CHKA: variants seen among roughly 807,000 people sequenced by gnomAD.
CHKA encodes CHETK-alpha.
In CHKA, 34 loss-of-function variants were observed where a neutral mutation model predicts 60.1. The observed-to-expected ratio is 0.57, with a 90% CI of 0.43 to 0.75. The LOEUF (loss-of-function observed/expected upper bound fraction) is 0.75, where lower values mean the gene tolerates loss of function less well. Ranked by LOEUF, CHKA falls within the 30% of genes least tolerant of loss-of-function variation. The probability of loss-of-function intolerance (pLI) is 0.00; values close to 1 mark genes in which losing one functional copy is unlikely to be tolerated. For missense variants in CHKA, 563 were observed against 561.3 expected, an observed-to-expected ratio of 1.00 and a Z score of -0.03; for synonymous variants, 217 against 223.1, an observed-to-expected ratio of 0.97 and a Z score of 0.24.
intron 1 of CHKA, among the ~76,000 whole-genome samples, chr11:68,103,821 C>T (rs182255316): frequency 3.3e-4 from 50 of 151,408 alleles, no homozygotes; most frequent in Non-Finnish European, 5.3e-4. Context: ...GGAGGAAGCA[C>T]GAGAATCACT....
intron 1 of CHKA, among the ~76,000 whole-genome samples, chr11:68,097,861 T>C (rs1590870504): frequency 6.6e-6 from 1 of 152,222 alleles, no homozygotes; most frequent in East Asian, 1.9e-4. Context: ...ACCAAGTAAG[T>C]AGCTAAGCAA....
chr11:68,075,827 C>T (rs1856768526), intron 3 of CHKA, among the ~76,000 whole-genome samples: 5 of 152,132 alleles, frequency 3.3e-5, no homozygotes, highest in Admixed American at 3.3e-4. Flanking sequence ...CTAGGTCTTA[C>T]TCCAAGTATT....
intron 10 of CHKA, among the ~76,000 whole-genome samples, chr11:68,062,343 G>A (rs1307983320): frequency 6.6e-6 from 1 of 152,246 alleles, no homozygotes; most frequent in South Asian, 2.1e-4. Context: ...CACATTCACA[G>A]GGTGCAGGTG....
At chr11:68,056,035 C>G (rs184911829) in intron 11 of CHKA, among the ~76,000 whole-genome samples, 185 of 152,170 alleles carry the variant, frequency 1.2e-3, no homozygotes, top group Admixed American at 1.8e-3. Context: ...GCAACAAGAG[C>G]GAAACTCCAT....
intron 3 of CHKA, among the ~76,000 whole-genome samples, chr11:68,080,433 C>T (rs1025199972): frequency 2.0e-5 from 3 of 152,000 alleles, no homozygotes; most frequent in Non-Finnish European, 4.4e-5. Context: ...CTGCAACCTC[C>T]GCCTCCCAGG....
chr11:68,063,936 C>G (rs183669864), intron 10 of CHKA, among the ~76,000 whole-genome samples: 16 of 152,350 alleles, frequency 1.1e-4, no homozygotes, highest in African/African-American at 3.4e-4. Context: ...TCAATTAAAA[C>G]TCCTTTCTTT....
intron 2 of CHKA, among the ~76,000 whole-genome samples, chr11:68,092,993 C>T (rs917420291): frequency 4.2e-5 from 6 of 143,740 alleles, no homozygotes; most frequent in Non-Finnish European, 6.0e-5. Flanking sequence ...AATTTCCCAT[C>T]CAGTTTTTTT....
chr11:68,116,693 G>A (rs1015964891), intron 1 of CHKA, among the ~76,000 whole-genome samples: 2 of 151,646 alleles, frequency 1.3e-5, no homozygotes, highest in Non-Finnish European at 2.9e-5. Context: ...CTCCCGCCTG[G>A]GCAACAGAGC....
At chr11:68,092,831 T>C (rs972974930) in intron 2 of CHKA, among the ~76,000 whole-genome samples, 2 of 152,178 alleles carry the variant, frequency 1.3e-5, no homozygotes, top group Non-Finnish European at 2.9e-5. Context: ...GTGTTTGAAC[T>C]AAGGACTCGA....
chr11:68,069,318 ATTTG>A (rs1436096468), intron 6 of CHKA, among the ~76,000 whole-genome samples: 1 of 152,006 alleles, frequency 6.6e-6, no homozygotes, highest in Admixed American at 6.6e-5. Context: ...ACATTATTTT[ATTTG>A]TTTACTTGTT....
intron 9 of CHKA, among the ~76,000 whole-genome samples, chr11:68,065,010 T>G (rs1308939488): frequency 2.0e-5 from 3 of 152,116 alleles, no homozygotes; most frequent in South Asian, 4.1e-4. Context: ...GAGAAAGATC[T>G]CAGGAGGAAA....
At chr11:68,114,591 G>C (rs1858311425) in intron 1 of CHKA, among the ~76,000 whole-genome samples, 1 of 152,020 alleles carries the variant, frequency 6.6e-6, no homozygotes, top group Admixed American at 6.6e-5. Flanking sequence ...CAGCTACTTG[G>C]GAGGCTGAGG....
Position 68,061,989 on chromosome 11 carries a change from T to C in CHKA, c.1278A>G (p.Val426=), listed in dbSNP as rs751786298. The C allele has an allele frequency of 3.1e-6, 5 of 1,598,954 alleles. No homozygotes were observed. The highest frequency in any genetic ancestry group is 2.3e-5 in the South Asian group (2 of 88,278). ...ATTCAATAGATGAAATCTTGGCTTG[T>C]ACAATGGACCACAGTCCCCAGAGGA... The part of the protein sequence containing the change: ...SHFLWGLWSI[V]QAKISSIEFG... The change falls in exon 11 of 12, where the codon GTA becomes GTG. Residue 426 remains valine (V), a synonymous_variant. Coordinates refer to ENST00000265689, the MANE Select transcript of CHKA (RefSeq NM_001277.3).
chr11:68,088,861 C>T (rs994096198), intron 2 of CHKA, among the ~76,000 whole-genome samples: 1 of 152,092 alleles, frequency 6.6e-6, no homozygotes, highest in African/African-American at 2.4e-5. Flanking sequence ...TTAGCACTTT[C>T]TGAAAACATT....
intron 1 of CHKA, among the ~76,000 whole-genome samples, chr11:68,102,221 A>G (rs1029338127): frequency 3.9e-5 from 6 of 152,242 alleles, no homozygotes; most frequent in African/African-American, 9.6e-5. Context: ...CCTAAAATTT[A>G]TATGAAATCA....
intron 8 of CHKA, 85 bp downstream of exon 8, chr11:68,066,344 C>G (rs1244299398): frequency 8.3e-7 from 1 of 1,199,018 alleles, no homozygotes; most frequent in Non-Finnish European, 1.2e-6. Flanking sequence ...GGCATTTTGA[C>G]TTATTTTCTC....
intron 1 of CHKA, among the ~76,000 whole-genome samples, chr11:68,101,416 C>T (rs1857717466): frequency 6.6e-6 from 1 of 151,998 alleles, no homozygotes. Context: ...ATAGAAAACC[C>T]TAAAGACCCC....
intron 2 of CHKA, among the ~76,000 whole-genome samples, chr11:68,091,152 C>A (rs924497061): frequency 6.6e-6 from 1 of 152,198 alleles, no homozygotes; most frequent in Non-Finnish European, 1.5e-5. Context: ...TACATTTACG[C>A]TCTCTTCTAG....
At chr11:68,111,511 A>T (rs1037243350) in intron 1 of CHKA, among the ~76,000 whole-genome samples, 16 of 151,652 alleles carry the variant, frequency 1.1e-4, no homozygotes, top group African/African-American at 3.9e-4. Context: ...CCCGGGAGAC[A>T]GAGGTTGCAG....
Sources: allele counts gnomAD v4.1 joint callset (sites outside exome capture counted in the v4.1 genomes callset), GRCh38; gene constraint gnomAD v4.1.1; transcripts MANE v1.5; gene names NCBI Gene and HGNC (gene_info 2026-07-23, HGNC 2026-07-21).